NLGN4Y: variants seen among roughly 807,000 people sequenced by gnomAD.
NLGN4Y encodes the protein neuroligin-4, Y-linked.
In NLGN4Y, 4 loss-of-function variants were observed where a neutral mutation model predicts 8.4. The ratio of observed to expected loss-of-function variants is 0.48; its 90% CI spans 0.23 to 1.09. The LOEUF (loss-of-function observed/expected upper bound fraction) is 1.09, where lower values mean the gene tolerates loss of function less well. Ranked by LOEUF, NLGN4Y falls within the 50% of genes least tolerant of loss-of-function variation. NLGN4Y has a pLI of 0.19. For synonymous variants in NLGN4Y, 35 were observed against 75.6 expected (o/e 0.46, Z 2.78); for missense variants, 90 against 192.3 (o/e 0.47, Z 3.15).
intron 4 of NLGN4Y, among the ~76,000 whole-genome samples, chrY:14,796,511 G>T (rs2043010320): frequency 3.5e-5 from 1 of 28,325 alleles, no homozygotes; most frequent in Non-Finnish European, 8.3e-5. Context: ...GGAGAATGGC[G>T]TGAACCCCAG....
At chrY:14,607,434 T>G in intron 1 of NLGN4Y, among the ~76,000 whole-genome samples, 3 of 32,957 alleles carry the variant, frequency 9.1e-5, no homozygotes, top group Non-Finnish European at 1.5e-4. Context: ...CATGTTCATG[T>G]GTTCTCATTG....
Position 14,840,869 on chromosome Y carries a change from C to T in NLGN4Y, c.2118C>T (p.Leu706=). ...SVTIAVGASL[L]FLNILAFAAL... Reference sequence around the variant, plus strand: ...CCATTGCCGTCGGGGCGTCGCTCCTCTTCCTCAACATCTTAGCCTTTGCGG... The same window carrying T: ...CCATTGCCGTCGGGGCGTCGCTCCTTTTCCTCAACATCTTAGCCTTTGCGG... The change falls in exon 7 of 7, where the codon CTC becomes CTT. Residue 706 remains leucine (L), a synonymous_variant. Coordinates refer to ENST00000684976, the MANE Select transcript of NLGN4Y (RefSeq NM_001365588.1). 2.5e-6 allele frequency: 1 copy of T among 399,189 alleles called. No individual in the cohort carries two copies. Among genetic ancestry groups the T allele is most frequent in the Non-Finnish European group, 3.5e-6 (1 of 283,768 alleles).
At chrY:14,531,452 G>A in intron 1 of NLGN4Y, among the ~76,000 whole-genome samples, 1 of 31,611 alleles carries the variant, frequency 3.2e-5, no homozygotes, top group African/African-American at 1.2e-4. Context: ...TTGTATTTAT[G>A]TACATTTACA....
intron 2 of NLGN4Y, among the ~76,000 whole-genome samples, chrY:14,697,600 GAT>G (rs2080835457): frequency 1.4e-4 from 4 of 27,750 alleles, no homozygotes; most frequent in African/African-American, 4.2e-4. Flanking sequence ...GAGAGAGATA[GAT>G]AGATAGATAG....
chrY:14,621,818 A>T (rs1029400402), intron 1 of NLGN4Y, among the ~76,000 whole-genome samples, 191 bp from the exon 2 acceptor site: 5 of 33,292 alleles, frequency 1.5e-4, no homozygotes, highest in Non-Finnish European at 2.2e-4. Context: ...CTGTAAAAAA[A>T]AATAATAATA....
At chrY:14,695,225 A>C in intron 2 of NLGN4Y, among the ~76,000 whole-genome samples, 1 of 33,865 alleles carries the variant, frequency 3.0e-5, no homozygotes, top group African/African-American at 1.2e-4. Context: ...TATTCTATGG[A>C]ATCTATGGAT....
intron 1 of NLGN4Y, among the ~76,000 whole-genome samples, chrY:14,609,578 G>C: frequency 3.0e-5 from 1 of 33,498 alleles, no homozygotes; most frequent in Non-Finnish European, 7.4e-5. Flanking sequence ...TGATCATGGT[G>C]GATAAACCTT....
intron 2 of NLGN4Y, among the ~76,000 whole-genome samples, chrY:14,669,414 A>T (rs2080702829): frequency 3.0e-5 from 1 of 33,483 alleles, no homozygotes; most frequent in South Asian, 6.6e-4. Flanking sequence ...ATTTATTTGG[A>T]ATAATTAAAC....
intron 2 of NLGN4Y, among the ~76,000 whole-genome samples, chrY:14,691,395 C>A (rs2080809149): frequency 6.0e-5 from 2 of 33,308 alleles, no homozygotes; most frequent in African/African-American, 1.2e-4. Context: ...ACATTAAATT[C>A]TAAATCATGA....
At chrY:14,720,023 A>G (rs2080929354) in intron 3 of NLGN4Y, among the ~76,000 whole-genome samples, 1 of 33,293 alleles carries the variant, frequency 3.0e-5, no homozygotes, top group Non-Finnish European at 7.4e-5. Flanking sequence ...TTACAAACAT[A>G]TTGATTCCAA....
At chrY:14,549,224 C>G in intron 1 of NLGN4Y, among the ~76,000 whole-genome samples, 1 of 33,001 alleles carries the variant, frequency 3.0e-5, no homozygotes, top group Non-Finnish European at 7.4e-5. Context: ...TCAGAAATAA[C>G]AGTTACTTCC....
chrY:14,732,178 C>G, intron 4 of NLGN4Y, among the ~76,000 whole-genome samples: 4 of 32,941 alleles, frequency 1.2e-4, no homozygotes, highest in Non-Finnish European at 3.0e-4. Flanking sequence ...GAGGCTTCTT[C>G]TTCAGTTCAA....
intron 4 of NLGN4Y, among the ~76,000 whole-genome samples, chrY:14,731,966 G>C: frequency 3.0e-5 from 1 of 33,329 alleles, no homozygotes; most frequent in East Asian, 8.0e-4. Flanking sequence ...CCCAAAGTCT[G>C]TCCAGGTGTG....
intron 1 of NLGN4Y, chrY:14,524,944 G>A (rs770241655): frequency 8.4e-6 from 1 of 119,477 alleles, no homozygotes; most frequent in East Asian, 2.6e-4. Flanking sequence ...CCGGTAGGTT[G>A]GGGTCCCTCG....
intron 4 of NLGN4Y, among the ~76,000 whole-genome samples, chrY:14,819,570 G>C: frequency 3.1e-5 from 1 of 32,615 alleles, no homozygotes; most frequent in Admixed American, 2.8e-4. Context: ...GGGGGTGTTT[G>C]TGGTCCCTTG....
intron 1 of NLGN4Y, among the ~76,000 whole-genome samples, chrY:14,602,445 C>A: frequency 3.0e-5 from 1 of 33,055 alleles, no homozygotes; most frequent in Non-Finnish European, 7.4e-5. Context: ...TCCTACCTCG[C>A]AGAGAAATGT....
intron 2 of NLGN4Y, among the ~76,000 whole-genome samples, chrY:14,709,470 TG>T (rs2150549332): frequency 3.0e-5 from 1 of 33,605 alleles, no homozygotes; most frequent in East Asian, 8.0e-4. Flanking sequence ...CCTAGCACTT[TG>T]GGAGGCCAAG....
chrY:14,816,309 G>A (rs2043102072), intron 4 of NLGN4Y, among the ~76,000 whole-genome samples: 2 of 33,824 alleles, frequency 5.9e-5, no homozygotes, highest in Non-Finnish European at 1.5e-4. Flanking sequence ...CTAATGGGAG[G>A]TTCCGCCTGG....
chrY:14,581,652 G>A lies in NLGN4Y; in HGVS notation c.-111-40357G>A, dbSNP rs373831864. Among the ~76,000 whole-genome samples, 8 of 33,834 alleles carry A rather than the reference G, an allele frequency of 2.4e-4. No individual in the cohort carries two copies. The East Asian group carries it at 5.5e-3, about 23-fold the overall frequency. 90.8% of individuals were successfully genotyped at this position (33,834 alleles called of 37,273 possible). A position where few individuals can be genotyped will look rare whatever the true frequency, so the allele number is the denominator to read the frequency against. On this transcript the variant is annotated intron_variant, in intron 1 of 6. Coordinates refer to ENST00000684976, the MANE Select transcript of NLGN4Y (RefSeq NM_001365588.1). ...TTCTTGAAGGCGGTCTGTGCATTCC[G>A]CTATCTAATTCTGTGATGTCCTTTA... is the stretch of plus-strand genomic sequence containing the variant.
Sources: allele counts gnomAD v4.1 joint callset (sites outside exome capture counted in the v4.1 genomes callset), GRCh38; gene constraint gnomAD v4.1.1; transcripts MANE v1.5; gene names NCBI Gene and HGNC (gene_info 2026-07-23, HGNC 2026-07-21).